SYT1: variants seen among roughly 807,000 people sequenced by gnomAD.
The protein encoded by SYT1 is synaptotagmin-1.
Under a neutral mutation model 44.8 loss-of-function variants are expected in SYT1, and 8 were observed. The ratio of observed to expected loss-of-function variants is 0.18; its 90% CI spans 0.10 to 0.32. The LOEUF (loss-of-function observed/expected upper bound fraction) is 0.32. Ranked by LOEUF, SYT1 falls within the 10% of genes least tolerant of loss-of-function variation. The probability of loss-of-function intolerance (pLI) is 1.00; values close to 1 mark genes in which losing one functional copy is unlikely to be tolerated. For missense variants in SYT1, 286 were observed against 509.3 expected, an observed-to-expected ratio of 0.56 and a Z score of 4.22; for synonymous variants, 154 against 188.8, an observed-to-expected ratio of 0.82 and a Z score of 1.51.
At chr12:78,918,849 T>G (rs1054384115) in intron 1 of SYT1, among the ~76,000 whole-genome samples, 3 of 152,030 alleles carry the variant, frequency 2.0e-5, no homozygotes, top group African/African-American at 7.2e-5. Context: ...AAGAAAAACC[T>G]TTAAGATCTT....
chr12:79,224,751 T>A (rs12828851), intron 4 of SYT1, among the ~76,000 whole-genome samples: 1,397 of 23,936 alleles, frequency 0.058, 10 homozygotes, highest in African/African-American at 0.076. Context: ...TTATTTATTT[T>A]TTATTATTAT....
intron 3 of SYT1, among the ~76,000 whole-genome samples, chr12:79,052,171 T>G (rs1046033554): frequency 3.3e-5 from 5 of 152,276 alleles, no homozygotes; most frequent in Admixed American, 2.6e-4. Context: ...CATGGAATGC[T>G]CTTCCATTTG....
chr12:79,073,176 AC>A (rs950566397), intron 3 of SYT1, among the ~76,000 whole-genome samples: 4 of 152,070 alleles, frequency 2.6e-5, no homozygotes, highest in African/African-American at 9.7e-5. Flanking sequence ...ATAATAGCTC[AC>A]TGCAGCCTTG....
intron 3 of SYT1, among the ~76,000 whole-genome samples, chr12:79,157,788 A>G (rs1292660745): frequency 2.0e-5 from 3 of 152,202 alleles, no homozygotes; most frequent in Non-Finnish European, 4.4e-5. Flanking sequence ...TGATTTAAGT[A>G]TATTAACCCA....
intron 2 of SYT1, among the ~76,000 whole-genome samples, chr12:79,012,583 T>C (rs1871484266): frequency 6.6e-6 from 1 of 152,172 alleles, no homozygotes; most frequent in East Asian, 1.9e-4. Context: ...TTTGTTATTG[T>C]GGTGCTTCTG....
intron 3 of SYT1, among the ~76,000 whole-genome samples, chr12:79,192,483 C>T (rs564449597): frequency 1.5e-4 from 23 of 152,168 alleles, no homozygotes; most frequent in Admixed American, 3.9e-4. Context: ...GCTCATTACT[C>T]GGGGAATACT....
chr12:79,269,090 CT>C lies in SYT1; in HGVS notation c.167-16683del, dbSNP rs75011106. Among the ~76,000 whole-genome samples, 1,094 of 143,932 alleles carry C rather than the reference CT, an allele frequency of 7.6e-3. 14 individuals carry two copies. Among genetic ancestry groups the C allele is most frequent in the Admixed American group, 0.033 (472 of 14,384 alleles). The allele number at this position is 143,932 out of a possible 152,430, so 94.4% of individuals were successfully genotyped here. A position where few individuals can be genotyped will look rare whatever the true frequency, so the allele number is the denominator to read the frequency against. ...CAGGCCCCTTTTATCTTGCCCTTCT[CT>C]TTTTTTTTTTTTTATTGAATATCAA... is the stretch of plus-strand genomic sequence containing the variant. On this transcript the variant is annotated intron_variant, in intron 4 of 10. Coordinates refer to ENST00000261205, the MANE Select transcript of SYT1 (RefSeq NM_005639.3).
chr12:79,143,635 A>G (rs1164266069), intron 3 of SYT1, among the ~76,000 whole-genome samples: 1 of 152,226 alleles, frequency 6.6e-6, no homozygotes, highest in East Asian at 1.9e-4. Context: ...TTTTGAAAAC[A>G]TAAAATCAGA....
In SYT1 at chr12:79,423,431, G is replaced by A. The variant is rs141254707; in HGVS notation, c.929-20642G>A. On this transcript the variant is annotated intron_variant, in intron 9 of 10. Coordinates refer to ENST00000261205, the MANE Select transcript of SYT1 (RefSeq NM_005639.3). ...AACTAGTTCTTTTAACTCTAATTAAGCCTTAGAGTCTGCAAGTATAAGACA... is the reference window on the plus strand; with the variant it reads ...AACTAGTTCTTTTAACTCTAATTAAACCTTAGAGTCTGCAAGTATAAGACA... 3.8e-3 allele frequency among the ~76,000 whole-genome samples: 573 copies of A among 152,136 alleles called. 1 individual carries two copies. The highest frequency in any genetic ancestry group is 6.8e-3 in the Middle Eastern group (2 of 294).
At chr12:79,295,755 A>C (rs1879847318) in intron 6 of SYT1, among the ~76,000 whole-genome samples, 1 of 152,222 alleles carries the variant, frequency 6.6e-6, no homozygotes, top group Admixed American at 6.5e-5. Context: ...GCTTTTAGCA[A>C]CTGGAAAGTT....
chr12:78,901,746 C>T (rs769118151), intron 1 of SYT1, among the ~76,000 whole-genome samples: 8 of 152,136 alleles, frequency 5.3e-5, no homozygotes, highest in Non-Finnish European at 7.3e-5. Context: ...TTGTTGAGTG[C>T]TTGGCCTTCA....
chr12:79,181,886 T>A (rs1872569490), intron 3 of SYT1, among the ~76,000 whole-genome samples: 1 of 152,022 alleles, frequency 6.6e-6, no homozygotes, highest in African/African-American at 2.4e-5. Flanking sequence ...TTCACTCTTT[T>A]TTCTCTTTCT....
intron 3 of SYT1, among the ~76,000 whole-genome samples, chr12:79,085,890 C>G (rs1877345576): frequency 6.6e-6 from 1 of 152,044 alleles, no homozygotes; most frequent in Non-Finnish European, 1.5e-5. Context: ...TGGAACAACT[C>G]AGAGAAATCT....
intron 9 of SYT1, among the ~76,000 whole-genome samples, chr12:79,377,805 C>T (rs1884060821): frequency 6.6e-6 from 1 of 152,106 alleles, no homozygotes; most frequent in African/African-American, 2.4e-5. Context: ...AGGGAGAATC[C>T]AGGTTCAGGA....
chr12:79,157,102 G>A (rs1228257493), intron 3 of SYT1, among the ~76,000 whole-genome samples: 3 of 152,086 alleles, frequency 2.0e-5, no homozygotes, highest in Non-Finnish European at 2.9e-5. Context: ...ACTGATCCTG[G>A]GTCTGGGTCA....
chr12:79,362,191 G>A (rs543852231), intron 9 of SYT1, among the ~76,000 whole-genome samples: 2 of 152,132 alleles, frequency 1.3e-5, no homozygotes, highest in South Asian at 2.1e-4. Context: ...TAAGATAAAC[G>A]TTTCCAGCCA....
intron 4 of SYT1, among the ~76,000 whole-genome samples, chr12:79,224,228 A>G (rs988485814): frequency 1.3e-5 from 2 of 152,216 alleles, no homozygotes; most frequent in Non-Finnish European, 2.9e-5. Flanking sequence ...AAGTATGAAT[A>G]CTTACTATGT....
At chr12:78,873,181 G>A (rs947136927) in intron 1 of SYT1, among the ~76,000 whole-genome samples, 21 of 151,670 alleles carry the variant, frequency 1.4e-4, no homozygotes, top group African/African-American at 5.1e-4. Context: ...TTACTTGCCT[G>A]CAATTACACA....
At chr12:78,898,644 C>G (rs1047559189) in intron 1 of SYT1, among the ~76,000 whole-genome samples, 3 of 152,040 alleles carry the variant, frequency 2.0e-5, no homozygotes, top group African/African-American at 7.2e-5. Context: ...ATTGCAACCT[C>G]AGACAAGAAT....
Sources: gnomAD v4.1 joint callset for allele counts (sites outside exome capture counted in the v4.1 genomes callset) on GRCh38, gnomAD v4.1.1 for gene constraint, MANE v1.5 for transcripts, NCBI Gene and HGNC (gene_info 2026-07-23, HGNC 2026-07-21) for gene names.